ABCC8: variants seen among roughly 807,000 people sequenced by gnomAD.
ABCC8 encodes the protein ATP binding cassette subfamily C member 8, also known as ATP-binding cassette sub-family C member 8.
A neutral mutation model predicts 188.0 loss-of-function variants in ABCC8; 137 were observed. The observed-to-expected ratio is 0.73, with a 90% confidence interval of 0.63 to 0.84. The LOEUF is 0.84. Ranked by LOEUF, ABCC8 falls within the 40% of genes least tolerant of loss-of-function variation. The pLI, the probability that ABCC8 is intolerant of heterozygous loss-of-function variation, is 0.00. For missense variants in ABCC8, 1,750 were observed against 2,072.7 expected (o/e 0.84, Z 3.02); for synonymous variants, 797 against 846.5 (o/e 0.94, Z 1.01).
chr11:17,476,263 G>A (rs1426604702), intron 1 of ABCC8, among the ~76,000 whole-genome samples: 2 of 152,214 alleles, frequency 1.3e-5, no homozygotes, highest in African/African-American at 4.8e-5. Context: ...GGGTGACCCG[G>A]CTCCCTAAGC....
intron 33 of ABCC8, chr11:17,396,264 AG>A (rs1167769265): frequency 2.2e-4 from 98 of 454,760 alleles, no homozygotes; most frequent in South Asian, 1.4e-3. Context: ...AGGAGGACAC[AG>A]GGGCAGCTGA....
At chr11:17,475,940 G>C (rs529758739) in intron 1 of ABCC8, among the ~76,000 whole-genome samples, 28 of 152,324 alleles carry the variant, frequency 1.8e-4, no homozygotes, top group Middle Eastern at 3.4e-3. Context: ...CGGCCGTGGC[G>C]CCCAACTTTG....
rs975821094 is a variant in ABCC8 at position 17,436,414 on chromosome 11, G to A, written c.1631-4170C>T. On this transcript the variant is annotated intron_variant, in intron 10 of 38. Transcript: ENST00000389817. ...TCATGGGTTGAAGATCTGAGGCCTC[G>A]CCCTCATTTTCCTGAACCACATAAA... Among the ~76,000 whole-genome samples, 11 of 152,102 alleles carry A rather than the reference G, an allele frequency of 7.2e-5. No individual in the cohort carries two copies. In the East Asian group the frequency reaches 1.4e-3, roughly 19 times the overall value.
At chr11:17,454,991 T>G (rs1233667710) in intron 6 of ABCC8, among the ~76,000 whole-genome samples, 1 of 152,196 alleles carries the variant, frequency 6.6e-6, no homozygotes, top group Non-Finnish European at 1.5e-5. Flanking sequence ...CTGGGATTCT[T>G]CTGTCCCACT....
intron 7 of ABCC8, among the ~76,000 whole-genome samples, chr11:17,449,792 G>GA (rs1956689374): frequency 6.6e-6 from 1 of 152,190 alleles, no homozygotes; most frequent in African/African-American, 2.4e-5. Flanking sequence ...CTTAAGGCAG[G>GA]AACCTATTCT....
Position 17,450,308 on chromosome 11 carries a change from TTCTTTCTTTCTTTCTTTCTC to T in ABCC8, c.1177-1657_1177-1638del, listed in dbSNP as rs1564959250. Among the ~76,000 whole-genome samples, 605 of 135,236 alleles carry T rather than the reference TTCTTTCTTTCTTTCTTTCTC, an allele frequency of 4.5e-3. 5 individuals carry two copies. Among genetic ancestry groups the T allele is most frequent in the Admixed American group, 8.3e-3 (114 of 13,756 alleles). 88.7% of individuals were successfully genotyped at this position (135,236 alleles called of 152,430 possible). A position where few individuals can be genotyped will look rare whatever the true frequency, so the allele number is the denominator to read the frequency against. Reference sequence around the variant, plus strand: ...TTTCTTTCTTTCTTTCTTTCTTTCTTTCTTTCTTTCTTTCTTTCTCTCTCTCTCTTTCCTTTCTTTCTTTC... The same window carrying T: ...TTTCTTTCTTTCTTTCTTTCTTTCTTTCTCTCTCTTTCCTTTCTTTCTTTC... On this transcript the variant is annotated intron_variant, in intron 7 of 38. Transcript: ENST00000389817.
chr11:17,405,759 T>C (rs1954485854), intron 26 of ABCC8, 196 bp from the exon 27 acceptor site: 1 of 659,138 alleles, frequency 1.5e-6, no homozygotes, highest in Admixed American at 6.3e-5. Context: ...GGCCTTTCGT[T>C]AGCCTTTCAG....
chr11:17,463,037 G>A (rs1030958386), intron 4 of ABCC8, among the ~76,000 whole-genome samples: 2 of 152,062 alleles, frequency 1.3e-5, no homozygotes, highest in Non-Finnish European at 2.9e-5. Context: ...GAGGGAGGCG[G>A]GAGCAAACAG....
chr11:17,428,021 C>T (rs961999622), intron 14 of ABCC8, 79 bp from the exon 15 acceptor site: 6 of 1,587,230 alleles, frequency 3.8e-6, no homozygotes, highest in African/African-American at 1.3e-5. Context: ...GGCTTCCCCT[C>T]CTCCATGAAA....
intron 21 of ABCC8, among the ~76,000 whole-genome samples, chr11:17,411,401 CT>C (rs1954796808): frequency 6.6e-6 from 1 of 152,210 alleles, no homozygotes; most frequent in Non-Finnish European, 1.5e-5. Context: ...TTGTTTAAAT[CT>C]CATGAGAGAT....
In ABCC8 at chr11:17,404,744, T is replaced by A. The variant is rs1031151692; in HGVS notation, c.3400-75A>T. On this transcript the variant is annotated intron_variant, in intron 27 of 38. Transcript: ENST00000389817. This position sits in a 1 kb window ranked among gnomAD's most constrained non-coding sequence, Gnocchi z 4.7. Reference sequence around the variant, plus strand: ...GTTTAGAGTGCTACTGGCCGCCATGTTTTGCTCTCACTTTATTTTTTGATC... The same window carrying A: ...GTTTAGAGTGCTACTGGCCGCCATGATTTGCTCTCACTTTATTTTTTGATC... 1 of 1,542,890 alleles carries A rather than the reference T, an allele frequency of 6.5e-7. No homozygotes were observed. Among genetic ancestry groups the A allele is most frequent in the African/African-American group, 1.4e-5 (1 of 72,896 alleles).
chr11:17,404,903 A>G lies in ABCC8; in HGVS notation c.3400-234T>C, dbSNP rs1954441691. On this transcript the variant is annotated intron_variant, in intron 27 of 38. Coordinates refer to ENST00000389817, the MANE Select transcript of ABCC8 (RefSeq NM_000352.6). This position sits in a 1 kb window ranked among gnomAD's most constrained non-coding sequence, Gnocchi z 4.7. ...CAGCTTCCCAAGTAGTTGGGATTAC[A>G]GGCACCTGCCACCACACCTGGCTAA... 6.6e-6 allele frequency among the ~76,000 whole-genome samples: 1 copy of G among 152,160 alleles called. No individual in the cohort carries two copies. The highest frequency in any genetic ancestry group is 2.4e-5 in the African/African-American group (1 of 41,410).
At chr11:17,473,520 C>T (rs1847245179) in intron 2 of ABCC8, among the ~76,000 whole-genome samples, 1 of 152,110 alleles carries the variant, frequency 6.6e-6, no homozygotes. Flanking sequence ...GGAGTGCAGT[C>T]TGGGTATAAT....
chr11:17,440,031 C>A (rs1019275752), intron 10 of ABCC8, among the ~76,000 whole-genome samples: 9 of 152,170 alleles, frequency 5.9e-5, no homozygotes, highest in Non-Finnish European at 4.4e-5. Flanking sequence ...AGTTTGGAAT[C>A]CAGGAGATGA....
At chr11:17,433,808 G>T (rs1955957041) in intron 10 of ABCC8, among the ~76,000 whole-genome samples, 1 of 152,202 alleles carries the variant, frequency 6.6e-6, no homozygotes, top group Non-Finnish European at 1.5e-5. Flanking sequence ...CTGGCAGATG[G>T]CGAATTTCTC....
chr11:17,450,360 TCCTTTCCTTTC>T (rs1331103968), intron 7 of ABCC8, among the ~76,000 whole-genome samples: 1 of 116,362 alleles, frequency 8.6e-6, no homozygotes, highest in African/African-American at 3.0e-5. Context: ...TTTCTTTCCT[TCCTTTCCTTTC>T]CTTTCTTTCC....
intron 29 of ABCC8, among the ~76,000 whole-genome samples, chr11:17,399,571 G>A (rs1189049253): frequency 6.6e-6 from 1 of 152,200 alleles, no homozygotes; most frequent in Admixed American, 6.5e-5. Context: ...TCCTCAGAGA[G>A]GCTCTTCCTG....
intron 26 of ABCC8, chr11:17,406,369 G>T: frequency 5.4e-6 from 3 of 552,336 alleles, no homozygotes; most frequent in Middle Eastern, 4.8e-4. Flanking sequence ...ATGTGCAGAC[G>T]CTCACTTTAA....
intron 28 of ABCC8, among the ~76,000 whole-genome samples, chr11:17,403,157 C>T (rs965989648): frequency 2.6e-5 from 4 of 152,140 alleles, no homozygotes; most frequent in African/African-American, 4.8e-5. Flanking sequence ...AAACTCAAAG[C>T]GTTCAACCCC....
Sources: allele counts gnomAD v4.1 joint callset (sites outside exome capture counted in the v4.1 genomes callset), GRCh38; gene constraint gnomAD v4.1.1; non-coding constraint Gnocchi (gnomAD v3.1); transcripts MANE v1.5; gene names NCBI Gene and HGNC (gene_info 2026-07-23, HGNC 2026-07-21).